TACR3: variants seen among roughly 807,000 people sequenced by gnomAD.
The protein encoded by TACR3 is tachykinin receptor 3.
Under a neutral mutation model 35.0 loss-of-function variants are expected in TACR3, and 34 were observed. The ratio of observed to expected loss-of-function variants is 0.97; its 90% confidence interval spans 0.74 to 1.30. TACR3 has a LOEUF of 1.30. Among genes scored for constraint, TACR3 ranks in the 50% most tolerant of loss-of-function variants. The pLI, the probability that TACR3 is intolerant of heterozygous loss-of-function variation, is 0.00. For synonymous variants in TACR3, 233 were observed against 221.1 expected (o/e 1.05, Z -0.48); for missense variants, 558 against 591.7 (o/e 0.94, Z 0.59).
intron 3 of TACR3, among the ~76,000 whole-genome samples, chr4:103,613,476 C>T (rs1184918773): frequency 7.9e-5 from 12 of 151,258 alleles, no homozygotes; most frequent in South Asian, 2.1e-4. Flanking sequence ...TGCGCTACCA[C>T]GCCCGGCTAA....
chr4:103,715,106 C>T (rs555851882), intron 1 of TACR3, among the ~76,000 whole-genome samples: 2 of 152,104 alleles, frequency 1.3e-5, no homozygotes, highest in Admixed American at 6.6e-5. Flanking sequence ...TACAGAACAA[C>T]TTTTTTGCTA....
chr4:103,674,329 T>C (rs1441791766), intron 1 of TACR3, among the ~76,000 whole-genome samples: 1 of 151,558 alleles, frequency 6.6e-6, no homozygotes, highest in Non-Finnish European at 1.5e-5. Context: ...TTTTTTTTTC[T>C]CTGTTGTTGG....
chr4:103,680,740 C>T (rs1481630863), intron 1 of TACR3, among the ~76,000 whole-genome samples: 5 of 151,534 alleles, frequency 3.3e-5, no homozygotes, highest in African/African-American at 1.2e-4. Flanking sequence ...CTGTTGACAA[C>T]TATAGATTTT....
chr4:103,596,536 G>C (rs1724022369), intron 3 of TACR3, among the ~76,000 whole-genome samples: 1 of 151,978 alleles, frequency 6.6e-6, no homozygotes, highest in African/African-American at 2.4e-5. Flanking sequence ...GAATAAAAAT[G>C]GTCAGCTAGG....
At chr4:103,629,032 C>A (rs1371787292) in intron 3 of TACR3, among the ~76,000 whole-genome samples, 2 of 152,144 alleles carry the variant, frequency 1.3e-5, no homozygotes, top group East Asian at 1.9e-4. Context: ...GAACCAATGA[C>A]AAAAACCACA....
chr4:103,600,882 A>G (rs988588078), intron 3 of TACR3, among the ~76,000 whole-genome samples: 3 of 152,110 alleles, frequency 2.0e-5, no homozygotes, highest in African/African-American at 7.2e-5. Context: ...ACTTCCAACT[A>G]TGTGGTCAGT....
chr4:103,659,106 G>A (rs1725787469), intron 1 of TACR3, among the ~76,000 whole-genome samples: 1 of 152,158 alleles, frequency 6.6e-6, no homozygotes. Flanking sequence ...AGCTCAGGCA[G>A]TAATGCAGCA....
At chr4:103,598,854 T>C (rs1251714481) in intron 3 of TACR3, among the ~76,000 whole-genome samples, 1 of 152,222 alleles carries the variant, frequency 6.6e-6, no homozygotes, top group African/African-American at 2.4e-5. Context: ...TTGGTTACTG[T>C]AGCCTTGTAG....
chr4:103,661,830 G>T (rs527341517), intron 1 of TACR3, among the ~76,000 whole-genome samples: 50 of 152,194 alleles, frequency 3.3e-4, no homozygotes, highest in African/African-American at 8.7e-4. Context: ...TCTGATCCAT[G>T]ATTCATTTAT....
At chr4:103,629,861 CA>C (rs373706568) in intron 3 of TACR3, among the ~76,000 whole-genome samples, 1,183 of 98,476 alleles carry the variant, frequency 0.012, 37 homozygotes, top group African/African-American at 0.034. Flanking sequence ...AAAAAAAAAA[CA>C]AAAAAAAAAC....
At chr4:103,650,556 A>AT (rs1725570621) in intron 3 of TACR3, among the ~76,000 whole-genome samples, 9 of 88,328 alleles carry the variant, frequency 1.0e-4, no homozygotes, top group African/African-American at 2.6e-4. Flanking sequence ...AAATAAATTT[A>AT]ATAAAATAAA....
intron 3 of TACR3, among the ~76,000 whole-genome samples, chr4:103,653,167 G>A (rs1480958592): frequency 1.3e-5 from 2 of 151,858 alleles, no homozygotes; most frequent in African/African-American, 4.8e-5. Context: ...ATATAAACTG[G>A]AACTTTAAAA....
chr4:103,602,183 A>C (rs1245021659), intron 3 of TACR3, among the ~76,000 whole-genome samples: 1 of 152,146 alleles, frequency 6.6e-6, no homozygotes, highest in African/African-American at 2.4e-5. Flanking sequence ...CGCATCGGCT[A>C]CTGAGGCTTC....
At chr4:103,677,431 C>A (rs1426230590) in intron 1 of TACR3, among the ~76,000 whole-genome samples, 2 of 152,064 alleles carry the variant, frequency 1.3e-5, no homozygotes, top group African/African-American at 2.4e-5. Flanking sequence ...CAGCACTATT[C>A]ACAAAAACAA....
At chr4:103,629,862 A>AAAAAAAAAAAAAAAAAAAAAAAAAC (rs1725011576) in intron 3 of TACR3, among the ~76,000 whole-genome samples, 4 of 111,578 alleles carry the variant, frequency 3.6e-5, no homozygotes, top group African/African-American at 1.1e-4. Flanking sequence ...AAAAAAAAAC[A>AAAAAAAAAAAAAAAAAAAAAAAAAC]AAAAAAAAAC....
intron 3 of TACR3, among the ~76,000 whole-genome samples, chr4:103,654,923 G>A (rs1262716843): frequency 2.6e-5 from 4 of 152,108 alleles, no homozygotes; most frequent in Non-Finnish European, 5.9e-5. Context: ...TCATGTAAGA[G>A]GGCCATGTTT....
At chr4:103,648,002 T>C (rs1398617840) in intron 3 of TACR3, among the ~76,000 whole-genome samples, 1 of 152,002 alleles carries the variant, frequency 6.6e-6, no homozygotes, top group African/African-American at 2.4e-5. Context: ...GGCTTGAAAT[T>C]GACCACAGTT....
At chr4:103,637,627 T>C (rs1229624555) in intron 3 of TACR3, among the ~76,000 whole-genome samples, 2 of 152,134 alleles carry the variant, frequency 1.3e-5, no homozygotes, top group Admixed American at 6.6e-5. Context: ...GGTATTCAGT[T>C]AGGAAAAGAG....
In TACR3 at chr4:103,656,946, A is replaced by AAAAAAC. The variant is rs1553972209; in HGVS notation, c.738-603_738-602insGTTTTT. On this transcript the variant is annotated intron_variant, in intron 2 of 4. Transcript: ENST00000304883. ...CATTTGATTGCATTGTTAACTTGGT[A>AAAAAAC]AAAACAAAACAAAACAAAACAAAAC... Among the ~76,000 whole-genome samples the AAAAAAC allele has an allele frequency of 4.0e-5, 6 of 150,978 alleles. No individual in the cohort carries two copies. The East Asian group carries it at 9.8e-4, about 25-fold the overall frequency.
Sources: allele counts gnomAD v4.1 joint callset (sites outside exome capture counted in the v4.1 genomes callset), GRCh38; gene constraint gnomAD v4.1.1; transcripts MANE v1.5; gene names NCBI Gene and HGNC (gene_info 2026-07-23, HGNC 2026-07-21).